The following CENPW variants were observed in gnomAD, a reference collection of about 807,000 sequenced individuals.
The protein encoded by CENPW is cancer-up-regulated gene 2 protein.
In CENPW, 3 loss-of-function variants were observed where a neutral mutation model predicts 11.1. The observed-to-expected ratio is 0.27, with a 90% confidence interval of 0.12 to 0.70. CENPW has a LOEUF of 0.70. CENPW is among the 30% of genes least tolerant of loss of function. CENPW has a pLI of 0.77. For missense variants in CENPW, 100 were observed against 105.6 expected, an observed-to-expected ratio of 0.95 and a Z score of 0.23; for synonymous variants, 38 against 42.0, an observed-to-expected ratio of 0.91 and a Z score of 0.37.
intron 1 of CENPW, among the ~76,000 whole-genome samples, chr6:126,341,831 G>A (rs916529157): frequency 6.6e-6 from 1 of 152,180 alleles, no homozygotes; most frequent in African/African-American, 2.4e-5. Flanking sequence ...AATTCCTCAG[G>A]TAGTCAGCAT....
At chr6:126,470,204 C>A in the CENPW span, among the ~76,000 whole-genome samples, 1 of 152,214 alleles carries the variant, frequency 6.6e-6, no homozygotes, top group African/African-American at 2.4e-5. Flanking sequence ...TGGACAGGGC[C>A]CAGGTGCCTG....
At chr6:126,364,782 G>A in the CENPW span, among the ~76,000 whole-genome samples, 6 of 152,144 alleles carry the variant, frequency 3.9e-5, no homozygotes, top group African/African-American at 1.4e-4. Flanking sequence ...CCTCCTATAT[G>A]AAGAAAGAGA....
At chr6:126,354,046 C>A in the CENPW span, among the ~76,000 whole-genome samples, 1 of 151,616 alleles carries the variant, frequency 6.6e-6, no homozygotes, top group Non-Finnish European at 1.5e-5. Flanking sequence ...TCAACTAATT[C>A]CAATATTTGG....
At chr6:126,397,419 C>A in the CENPW span, among the ~76,000 whole-genome samples, 1 of 152,174 alleles carries the variant, frequency 6.6e-6, no homozygotes, top group Non-Finnish European at 1.5e-5. Context: ...CACCATGTGG[C>A]TGGTGCCAGG....
the CENPW span, among the ~76,000 whole-genome samples, chr6:126,461,878 C>G: frequency 6.6e-6 from 1 of 151,892 alleles, no homozygotes; most frequent in Admixed American, 6.6e-5. Context: ...TAGATGATCT[C>G]TAAGGTTTCT....
At chr6:126,394,468 T>G in the CENPW span, among the ~76,000 whole-genome samples, 3 of 152,112 alleles carry the variant, frequency 2.0e-5, no homozygotes, top group African/African-American at 4.8e-5. Flanking sequence ...CTCTTCATTG[T>G]GTCTATATCT....
chr6:126,416,627 C>T, the CENPW span, among the ~76,000 whole-genome samples: 1 of 152,140 alleles, frequency 6.6e-6, no homozygotes, highest in African/African-American at 2.4e-5. Flanking sequence ...GTCCCAGCTG[C>T]TCCATCCATG....
the CENPW span, among the ~76,000 whole-genome samples, chr6:126,447,883 T>A: frequency 1.3e-5 from 2 of 151,416 alleles, no homozygotes; most frequent in African/African-American, 4.8e-5. Context: ...CCACCTCTTA[T>A]CTCCATTCAC....
the CENPW span, among the ~76,000 whole-genome samples, chr6:126,382,242 AAT>A: frequency 2.6e-5 from 4 of 151,420 alleles, no homozygotes; most frequent in African/African-American, 7.3e-5. Context: ...TCTCAAAAAA[AAT>A]ATATATATAT....
the CENPW span, among the ~76,000 whole-genome samples, chr6:126,394,760 G>A: frequency 2.0e-5 from 3 of 151,768 alleles, no homozygotes; most frequent in East Asian, 1.9e-4. Context: ...GTCTGGGAAA[G>A]TCTTTATTTC....
the CENPW span, among the ~76,000 whole-genome samples, chr6:126,377,171 G>T: frequency 6.6e-6 from 1 of 152,046 alleles, no homozygotes; most frequent in Admixed American, 6.6e-5. Flanking sequence ...GTCACACTGG[G>T]TATCAAATTT....
chr6:126,398,179 A>G, the CENPW span, among the ~76,000 whole-genome samples: 5 of 152,186 alleles, frequency 3.3e-5, no homozygotes, highest in African/African-American at 9.6e-5. Flanking sequence ...CTACTTGTAT[A>G]TAACCTTTAC....
At chr6:126,409,302 A>G in the CENPW span, among the ~76,000 whole-genome samples, 2 of 152,160 alleles carry the variant, frequency 1.3e-5, no homozygotes, top group Non-Finnish European at 2.9e-5. Flanking sequence ...GATAATTTCA[A>G]TTTTAAAAAG....
the CENPW span, among the ~76,000 whole-genome samples, chr6:126,361,115 A>G: frequency 2.6e-5 from 4 of 152,182 alleles, no homozygotes. Context: ...TCAGAGGGTC[A>G]TGACTCTGTA....
the CENPW span, among the ~76,000 whole-genome samples, chr6:126,417,992 T>A: frequency 6.6e-6 from 1 of 152,254 alleles, no homozygotes; most frequent in Middle Eastern, 3.4e-3. Flanking sequence ...TAGAAGCACA[T>A]GAAAAATGTT....
At chr6:126,428,146 C>T in the CENPW span, among the ~76,000 whole-genome samples, 7 of 152,258 alleles carry the variant, frequency 4.6e-5, no homozygotes, top group South Asian at 1.5e-3. Flanking sequence ...CCACAAGGCC[C>T]TGATCAGAGT....
At chr6:126,449,329 C>T in the CENPW span, among the ~76,000 whole-genome samples, 1 of 151,034 alleles carries the variant, frequency 6.6e-6, no homozygotes, top group Non-Finnish European at 1.5e-5. Flanking sequence ...AATTTTTAGC[C>T]TCTAGAGAAC....
At chr6:126,418,967 A>T in the CENPW span, among the ~76,000 whole-genome samples, 1 of 151,156 alleles carries the variant, frequency 6.6e-6, no homozygotes, top group East Asian at 2.0e-4. Context: ...GCATTAGGAG[A>T]TATACTTAAT....
At chr6:126,347,572 A>G (rs1356659234) in intron 2 of CENPW, among the ~76,000 whole-genome samples, 1 of 152,132 alleles carries the variant, frequency 6.6e-6, no homozygotes, top group Non-Finnish European at 1.5e-5. Flanking sequence ...TAGTCTAGAT[A>G]CAGATTTATT....
Sources: gnomAD v4.1 joint callset for allele counts (sites outside exome capture counted in the v4.1 genomes callset) on GRCh38, gnomAD v4.1.1 for gene constraint, MANE v1.5 for transcripts, NCBI Gene and HGNC (gene_info 2026-07-23, HGNC 2026-07-21) for gene names.